PKNOX2: variants seen among roughly 807,000 people sequenced by gnomAD.
PKNOX2 encodes the protein homeobox protein PKNOX2.
PKNOX2 carries 14 observed loss-of-function variants against 53.1 expected under a neutral mutation model. The ratio of observed to expected loss-of-function variants is 0.26; its 90% CI spans 0.17 to 0.41. The LOEUF is 0.41. Among genes scored for constraint, PKNOX2 ranks in the 10% least tolerant of loss-of-function variants. The pLI is 1.00. For missense variants in PKNOX2, 496 were observed against 602.8 expected (o/e 0.82, Z 1.85); for synonymous variants, 257 against 242.8 (o/e 1.06, Z -0.54).
In PKNOX2 at chr11:125,208,040, G is replaced by C. The variant is rs1483733061; in HGVS notation, c.-200-27005G>C. On this transcript the variant is annotated intron_variant, in intron 1 of 12. Coordinates refer to ENST00000298282, the MANE Select transcript of PKNOX2 (RefSeq NM_001382323.2). ...CAAATGTAAGTAGCTGTAATGCAAA[G>C]ATGAAAGGTATCTTAGGCAACATGC... Among the ~76,000 whole-genome samples, 10 of 152,264 alleles carry C rather than the reference G, an allele frequency of 6.6e-5. No individual in the cohort carries two copies. The East Asian group carries it at 1.5e-3, about 23-fold the overall frequency.
intron 4 of PKNOX2, among the ~76,000 whole-genome samples, chr11:125,359,544 C>G (rs1007667474): frequency 2.0e-5 from 3 of 152,206 alleles, no homozygotes; most frequent in African/African-American, 7.2e-5. Context: ...TCTGTGCCCC[C>G]CAACAATGTT....
chr11:125,411,181 A>G (rs1293939416), intron 9 of PKNOX2: 3 of 323,260 alleles, frequency 9.3e-6, no homozygotes, highest in African/African-American at 6.4e-5. Flanking sequence ...GAGTAGAAAG[A>G]TCGGAAGTCA....
intron 7 of PKNOX2, among the ~76,000 whole-genome samples, chr11:125,408,468 C>G (rs1380734985): frequency 6.6e-6 from 1 of 152,206 alleles, no homozygotes; most frequent in African/African-American, 2.4e-5. Flanking sequence ...GCCCCACCCA[C>G]CCGGAGGAGC....
At chr11:125,281,485 G>A (rs1946553730) in intron 2 of PKNOX2, among the ~76,000 whole-genome samples, 1 of 152,148 alleles carries the variant, frequency 6.6e-6, no homozygotes, top group African/African-American at 2.4e-5. Context: ...TTGAATTCTG[G>A]CTGCCACTTA....
At chr11:125,185,232 C>T (rs1367032991) in intron 1 of PKNOX2, among the ~76,000 whole-genome samples, 2 of 152,200 alleles carry the variant, frequency 1.3e-5, no homozygotes, top group Admixed American at 6.5e-5. Flanking sequence ...TGTACATTTA[C>T]AGTTACTGAG....
At chr11:125,189,433 GTGTGTGTGTGTGTGTATATATATATATA>G (rs1212967534) in intron 1 of PKNOX2, among the ~76,000 whole-genome samples, 14 of 79,186 alleles carry the variant, frequency 1.8e-4, no homozygotes, top group African/African-American at 3.5e-4. Context: ...GTGTGTGTGT[GTGTGTGTGTGTGTGTATATATATATATA>G]TATATATATA....
chr11:125,341,668 T>C (rs1053131382), intron 3 of PKNOX2, among the ~76,000 whole-genome samples: 3 of 152,228 alleles, frequency 2.0e-5, no homozygotes, highest in Non-Finnish European at 4.4e-5. Context: ...AAAGGCTTCA[T>C]GGAACAGTAG....
At chr11:125,308,979 C>G (rs1473881268) in intron 2 of PKNOX2, among the ~76,000 whole-genome samples, 1 of 152,180 alleles carries the variant, frequency 6.6e-6, no homozygotes, top group African/African-American at 2.4e-5. Context: ...AGCATCCTAG[C>G]CTTCCTCCAC....
At chr11:125,256,221 G>A (rs1219077007) in intron 2 of PKNOX2, among the ~76,000 whole-genome samples, 2 of 151,962 alleles carry the variant, frequency 1.3e-5, no homozygotes, top group Non-Finnish European at 2.9e-5. Context: ...CATGAACAGG[G>A]GAAGACCCAA....
At chr11:125,222,615 G>T (rs951208842) in intron 1 of PKNOX2, among the ~76,000 whole-genome samples, 1 of 146,784 alleles carries the variant, frequency 6.8e-6, no homozygotes, top group African/African-American at 2.7e-5. Context: ...CTGTGTGTAT[G>T]TGTGTGTATG....
At chr11:125,225,388 T>C (rs530327226) in intron 1 of PKNOX2, among the ~76,000 whole-genome samples, 2 of 152,362 alleles carry the variant, frequency 1.3e-5, no homozygotes, top group South Asian at 4.1e-4. Context: ...AGGGAATTAC[T>C]GGCATGACTT....
intron 2 of PKNOX2, among the ~76,000 whole-genome samples, chr11:125,246,651 A>G (rs1461654339): frequency 1.3e-5 from 2 of 152,148 alleles, no homozygotes; most frequent in South Asian, 2.1e-4. Context: ...TAGTTTCTCC[A>G]TCTATTAAAG....
At chr11:125,430,289 C>T (rs928832916) in intron 12 of PKNOX2, 148 bp downstream of exon 12, 1 of 986,586 alleles carries the variant, frequency 1.0e-6, no homozygotes, top group African/African-American at 1.6e-5. Flanking sequence ...TCCCCAAAGC[C>T]CTAAAGAAGG....
chr11:125,345,914 G>A (rs73618153), intron 3 of PKNOX2, among the ~76,000 whole-genome samples: 2,483 of 152,158 alleles, frequency 0.016, 72 homozygotes, highest in African/African-American at 0.056. Flanking sequence ...CAATTAAAGC[G>A]GGCCCTGCGA....
chr11:125,311,250 G>C (rs1344442841), intron 2 of PKNOX2, among the ~76,000 whole-genome samples: 1 of 152,180 alleles, frequency 6.6e-6, no homozygotes, highest in African/African-American at 2.4e-5. Context: ...CCATTAGAAA[G>C]ACATGGGTTA....
At chr11:125,195,452 G>A (rs1957121273) in intron 1 of PKNOX2, among the ~76,000 whole-genome samples, 1 of 152,170 alleles carries the variant, frequency 6.6e-6, no homozygotes, top group Admixed American at 6.5e-5. Flanking sequence ...GAGGGGTGAA[G>A]ACTTTCAGCA....
At chr11:125,351,148 G>A (rs1951284783) in intron 3 of PKNOX2, 136 bp from the exon 4 acceptor site, 1 of 685,352 alleles carries the variant, frequency 1.5e-6, no homozygotes, top group African/African-American at 1.8e-5. Context: ...CTCATTTGTT[G>A]CCCTGAAGGG....
At chr11:125,311,377 C>T (rs1195312851) in intron 2 of PKNOX2, among the ~76,000 whole-genome samples, 2 of 152,050 alleles carry the variant, frequency 1.3e-5, no homozygotes, top group Admixed American at 6.6e-5. Flanking sequence ...ATACTGCGAG[C>T]GATACAAAAG....
chr11:125,191,696 G>A (rs1956888829), intron 1 of PKNOX2, among the ~76,000 whole-genome samples: 1 of 152,124 alleles, frequency 6.6e-6, no homozygotes, highest in Non-Finnish European at 1.5e-5. Flanking sequence ...AGTGGAGGTG[G>A]CCAGCTCAGG....
Sources: allele counts gnomAD v4.1 joint callset (sites outside exome capture counted in the v4.1 genomes callset), GRCh38; gene constraint gnomAD v4.1.1; transcripts MANE v1.5; gene names NCBI Gene and HGNC (gene_info 2026-07-23, HGNC 2026-07-21).